Variants in SLC39A9 observed in about 807,000 individuals in gnomAD.
SLC39A9 encodes solute carrier family 39 member 9.
SLC39A9 carries 14 observed loss-of-function variants against 28.4 expected under a neutral mutation model. The observed-to-expected ratio is 0.49, with a 90% CI of 0.33 to 0.77. The LOEUF (loss-of-function observed/expected upper bound fraction) is 0.77. Among genes scored for constraint, SLC39A9 ranks in the 30% least tolerant of loss-of-function variants. SLC39A9 has a pLI of 0.02. For missense variants in SLC39A9, 283 were observed against 381.1 expected (o/e 0.74, Z 2.14); for synonymous variants, 119 against 149.6 (o/e 0.80, Z 1.49).
intron 2 of SLC39A9, among the ~76,000 whole-genome samples, chr14:69,439,395 A>G (rs1884937070): frequency 6.6e-6 from 1 of 152,228 alleles, no homozygotes; most frequent in Non-Finnish European, 1.5e-5. Flanking sequence ...CATAAATTTA[A>G]CCAAGGAGGT....
At chr14:69,434,290 G>A (rs1031735789) in intron 2 of SLC39A9, among the ~76,000 whole-genome samples, 2 of 151,418 alleles carry the variant, frequency 1.3e-5, no homozygotes, top group Non-Finnish European at 2.9e-5. Flanking sequence ...CACCATATTG[G>A]TCAGGCTGGT....
intron 1 of SLC39A9, among the ~76,000 whole-genome samples, chr14:69,402,495 A>G (rs1419598959): frequency 6.6e-6 from 1 of 152,182 alleles, no homozygotes; most frequent in Non-Finnish European, 1.5e-5. Context: ...ACGAGTTAAA[A>G]TTAGGTAGTC....
intron 3 of SLC39A9, among the ~76,000 whole-genome samples, chr14:69,444,847 T>G (rs1218278508): frequency 6.6e-6 from 1 of 152,122 alleles, no homozygotes; most frequent in Non-Finnish European, 1.5e-5. Flanking sequence ...CTCACCCCTT[T>G]AATCCCAGCA....
At chr14:69,455,642 G>A in intron 5 of SLC39A9, 90 bp from the exon 6 acceptor site, 2 of 1,536,212 alleles carry the variant, frequency 1.3e-6, no homozygotes, top group Non-Finnish European at 1.8e-6. Context: ...TTCTTTGTAT[G>A]AGAAATCATA....
chr14:69,418,587 G>A lies in SLC39A9; in HGVS notation c.97-5507G>A, dbSNP rs1378990610. ...CTCTTTGTACCTCTGGTAGAATTCAGCTGTGAATCTGTACCTCTGCTAGAA... is the reference window on the plus strand; with the variant it reads ...CTCTTTGTACCTCTGGTAGAATTCAACTGTGAATCTGTACCTCTGCTAGAA... On this transcript the variant is annotated intron_variant, in intron 1 of 6. Transcript: ENST00000336643. Among the ~76,000 whole-genome samples the A allele has an allele frequency of 2.0e-5, 3 of 152,106 alleles. No individual in the cohort carries two copies. In the East Asian group the frequency reaches 5.8e-4, roughly 29 times the overall value.
intron 1 of SLC39A9, among the ~76,000 whole-genome samples, chr14:69,422,836 G>C (rs990051508): frequency 4.6e-5 from 7 of 152,168 alleles, no homozygotes; most frequent in Non-Finnish European, 1.0e-4. Flanking sequence ...CACCCACCTA[G>C]TTGTAGTTTT....
At chr14:69,420,344 G>A (rs1883814501) in intron 1 of SLC39A9, among the ~76,000 whole-genome samples, 1 of 152,186 alleles carries the variant, frequency 6.6e-6, no homozygotes, top group South Asian at 2.1e-4. Context: ...CTTCTGGCTT[G>A]TAGAGTTTCT....
chr14:69,433,646 T>A (rs896411565), intron 2 of SLC39A9, among the ~76,000 whole-genome samples: 2 of 152,232 alleles, frequency 1.3e-5, no homozygotes, highest in Non-Finnish European at 2.9e-5. Context: ...GTTACCTGTT[T>A]CTTCTTGAGT....
At chr14:69,402,686 A>C (rs536726575) in intron 1 of SLC39A9, among the ~76,000 whole-genome samples, 9 of 152,326 alleles carry the variant, frequency 5.9e-5, no homozygotes, top group African/African-American at 2.2e-4. Context: ...TTTATAAAAC[A>C]AAGGAAAAAA....
chr14:69,451,566 T>C (rs1885612172), intron 3 of SLC39A9, among the ~76,000 whole-genome samples: 1 of 152,198 alleles, frequency 6.6e-6, no homozygotes, highest in Admixed American at 6.5e-5. Flanking sequence ...CTTTAGCATT[T>C]ACAGTCCATC....
chr14:69,403,317 T>C (rs1882739202), intron 1 of SLC39A9, among the ~76,000 whole-genome samples: 1 of 152,156 alleles, frequency 6.6e-6, no homozygotes, highest in Non-Finnish European at 1.5e-5. Flanking sequence ...GCTGCTGCAG[T>C]TGATAAATGG....
chr14:69,414,481 A>G (rs975803307), intron 1 of SLC39A9, among the ~76,000 whole-genome samples: 3 of 152,180 alleles, frequency 2.0e-5, no homozygotes, highest in African/African-American at 7.2e-5. Flanking sequence ...TTTAAGGAAA[A>G]TTTTTGGAAG....
At chr14:69,405,986 T>C (rs574538151) in intron 1 of SLC39A9, among the ~76,000 whole-genome samples, 2 of 152,226 alleles carry the variant, frequency 1.3e-5, no homozygotes, top group African/African-American at 2.4e-5. Context: ...CAGACTCTGG[T>C]AGAGGTGTGA....
In SLC39A9 at chr14:69,407,264, CTTCCTTCCTTTCTTTCCT is replaced by C. The variant is rs1882971324; in HGVS notation, c.96+7810_96+7827del. ...CCTGTATTTATCTGACGTTAATTTC[CTTCCTTCCTTTCTTTCCT>C]TTCCTTCCTTCCCTTCCTTCCCTTC... On this transcript the variant is annotated intron_variant, in intron 1 of 6. Coordinates refer to ENST00000336643, the MANE Select transcript of SLC39A9 (RefSeq NM_018375.5). Among the ~76,000 whole-genome samples, 3 of 150,690 alleles carry C rather than the reference CTTCCTTCCTTTCTTTCCT, an allele frequency of 2.0e-5. No individual in the cohort carries two copies. The Admixed American group carries it at 2.0e-4, about 10-fold the overall frequency.
intron 1 of SLC39A9, among the ~76,000 whole-genome samples, chr14:69,405,077 G>A (rs1882841681): frequency 2.6e-5 from 4 of 152,090 alleles, no homozygotes; most frequent in Admixed American, 2.0e-4. Context: ...ATCAGATCTC[G>A]TGAGAACTCA....
chr14:69,459,496 A>G lies in SLC39A9; in HGVS notation c.*903A>G, dbSNP rs1234062473. 1.0e-6 allele frequency: 1 copy of G among 983,492 alleles called. No homozygotes were observed. The highest frequency in any genetic ancestry group is 1.7e-5 in the African/African-American group (1 of 57,190). 60.9% of individuals were successfully genotyped at this position (983,492 alleles called of 1,614,324 possible). A position where few individuals can be genotyped will look rare whatever the true frequency, so the allele number is the denominator to read the frequency against. On this transcript the variant is annotated 3_prime_UTR_variant, in exon 7 of 7. Transcript: ENST00000336643. ...TTAAGTGATTTTTGGATGGTTATTG[A>G]TATCTTTGTAGTAGCTTTTTTTAAA... is the stretch of plus-strand genomic sequence containing the variant.
chr14:69,453,378 C>T lies in SLC39A9; in HGVS notation c.472+69C>T. 5 of 1,441,124 alleles carry T rather than the reference C, an allele frequency of 3.5e-6. No individual in the cohort carries two copies. In the Admixed American group the frequency reaches 8.5e-5, roughly 24 times the overall value. The allele number at this position is 1,441,124 out of a possible 1,614,324, so 89.3% of individuals were successfully genotyped here. ...AGGGGAGACCTTAGTGTTTATATTT[C>T]AGGGACCGTCCTCATTGAATGCTCT... On this transcript the variant is annotated intron_variant, in intron 4 of 6. Coordinates refer to ENST00000336643, the MANE Select transcript of SLC39A9 (RefSeq NM_018375.5).
At chr14:69,445,495 C>T (rs764920899) in intron 3 of SLC39A9, among the ~76,000 whole-genome samples, 1 of 152,036 alleles carries the variant, frequency 6.6e-6, no homozygotes, top group Non-Finnish European at 1.5e-5. Flanking sequence ...ACGTGTTAAT[C>T]GACTTTGTTA....
chr14:69,399,436 A>G lies in SLC39A9; in HGVS notation c.67A>G (p.Ile23Val). Residue 23 changes from isoleucine (I) to valine (V), a missense_variant, in exon 1 of 7, where the codon ATC (isoleucine) becomes GTC (valine). Physicochemically the swap from Ile to Val is conservative, Grantham distance 29 (BLOSUM62 3). Coordinates refer to ENST00000336643, the MANE Select transcript of SLC39A9 (RefSeq NM_018375.5). ...GTTGGTGGGATGTTACGTGGCCGGAATCATTCCCTTGGCTGTTAATTTCTC... is the reference window on the plus strand; with the variant it reads ...GTTGGTGGGATGTTACGTGGCCGGAGTCATTCCCTTGGCTGTTAATTTCTC... ...AMLVGCYVAG[I>V]IPLAVNFSEE... 1 of 1,614,132 alleles carries G rather than the reference A, an allele frequency of 6.2e-7. No homozygotes were observed. Among genetic ancestry groups the G allele is most frequent in the Non-Finnish European group, 8.5e-7 (1 of 1,180,008 alleles).
Sources: allele counts gnomAD v4.1 joint callset (sites outside exome capture counted in the v4.1 genomes callset), GRCh38; gene constraint gnomAD v4.1.1; transcripts MANE v1.5; gene names NCBI Gene and HGNC (gene_info 2026-07-23, HGNC 2026-07-21).